The following DDX31 variants were observed in gnomAD, a reference collection of about 807,000 sequenced individuals.
DDX31 encodes the protein ATP-dependent DNA helicase DDX31.
Under a neutral mutation model 91.3 loss-of-function variants are expected in DDX31, and 70 were observed. That is an observed-to-expected ratio of 0.77 (90% CI 0.63 to 0.94). The LOEUF is 0.94. Among genes scored for constraint, DDX31 ranks in the 40% least tolerant of loss-of-function variants. The pLI, the probability that DDX31 is intolerant of heterozygous loss-of-function variation, is 0.00. For synonymous variants in DDX31, 362 were observed against 350.6 expected (o/e 1.03, Z -0.36); for missense variants, 902 against 925.0 (o/e 0.98, Z 0.32).
At chr9:132,615,074 T>A (rs916438058) in intron 18 of DDX31, among the ~76,000 whole-genome samples, 1 of 152,076 alleles carries the variant, frequency 6.6e-6, no homozygotes, top group Non-Finnish European at 1.5e-5. Context: ...GGAGAAGTAA[T>A]GAAAGCAGAC....
At chr9:132,652,629 C>G in intron 6 of DDX31, 137 bp from the exon 7 acceptor site, 1 of 1,081,598 alleles carries the variant, frequency 9.2e-7, no homozygotes, top group Non-Finnish European at 1.3e-6. Context: ...AGGTTGCCCA[C>G]TGATGTGGTC....
At chr9:132,644,183 C>A (rs1347102523) in intron 13 of DDX31, among the ~76,000 whole-genome samples, 1 of 152,148 alleles carries the variant, frequency 6.6e-6, no homozygotes, top group Non-Finnish European at 1.5e-5. Flanking sequence ...TCTTCCACTG[C>A]AAAGGCTAAA....
chr9:132,654,776 T>C lies in DDX31; in HGVS notation c.589-2284A>G, dbSNP rs572686957. ...GCTTGGCCAACATGGTGAAACCCCA[T>C]CTCTACTAAAACTACAAAAATTAGG... On this transcript the variant is annotated intron_variant, in intron 6 of 19. Transcript: ENST00000372159. Among the ~76,000 whole-genome samples the C allele has an allele frequency of 7.6e-3, 1,154 of 151,840 alleles. 15 individuals carry two copies. The highest frequency in any genetic ancestry group is 0.027 in the African/African-American group (1,120 of 41,386).
At chr9:132,597,808 C>T (rs1439130848) in intron 19 of DDX31, among the ~76,000 whole-genome samples, 1 of 152,166 alleles carries the variant, frequency 6.6e-6, no homozygotes, top group Non-Finnish European at 1.5e-5. Flanking sequence ...CCAGACCTGT[C>T]CCTTCACAAA....
chr9:132,658,547 A>C, intron 6 of DDX31, 124 bp downstream of exon 6: 2 of 843,030 alleles, frequency 2.4e-6, no homozygotes, highest in Admixed American at 4.5e-5. Context: ...AAATAAATTA[A>C]AAGGAGGTGA....
chr9:132,662,532 G>T lies in DDX31; in HGVS notation c.239C>A (p.Ser80Ter). 6.2e-7 allele frequency: 1 copy of T among 1,614,192 alleles called. No individual in the cohort carries two copies. Among genetic ancestry groups the T allele is most frequent in the East Asian group, 2.2e-5 (1 of 44,886 alleles). ...CTGGTTTCTATCACTTGTGCTAACC[G>T]AATGCTTCTTTGGAGAAAACATTTT... Reference protein sequence around the residue: ...AQKMFSPKKHSVSTSDRNQEE... With the variant: ...AQKMFSPKKH The change falls in exon 2 of 20, where the codon TCG (serine) becomes TAG (stop). Residue 80 changes from serine (S) to a stop codon, truncating the protein, a stop_gained. Transcript: ENST00000372159. LOFTEE classifies it high-confidence loss of function.
intron 6 of DDX31, among the ~76,000 whole-genome samples, chr9:132,655,980 G>A (rs757885511): frequency 6.6e-6 from 1 of 152,174 alleles, no homozygotes; most frequent in Non-Finnish European, 1.5e-5. Flanking sequence ...CAGCAGCAAC[G>A]TGCCGCTGTG....
At chr9:132,669,395 G>A (rs1012861476) in intron 1 of DDX31, among the ~76,000 whole-genome samples, 19 of 151,944 alleles carry the variant, frequency 1.3e-4, no homozygotes, top group African/African-American at 4.4e-4. Context: ...GATATATAGG[G>A]TTAAATGAAA....
chr9:132,625,860 C>G, intron 16 of DDX31, 115 bp from the exon 17 acceptor site: 1 of 682,434 alleles, frequency 1.5e-6, no homozygotes, highest in African/African-American at 1.8e-5. Flanking sequence ...AGAAGTGACA[C>G]CTTCCTAGGA....
At chr9:132,658,588 A>G in intron 6 of DDX31, 83 bp downstream of exon 6, 1 of 1,253,484 alleles carries the variant, frequency 8.0e-7, no homozygotes, top group Non-Finnish European at 1.1e-6. Context: ...AGATTCTTTT[A>G]GTCCTAATAT....
At chr9:132,659,931 G>T in intron 4 of DDX31, 151 bp from the exon 5 acceptor site, 1 of 689,422 alleles carries the variant, frequency 1.5e-6, no homozygotes. Context: ...AAGGTGTGAA[G>T]AAACTTTTGA....
chr9:132,645,360 G>A (rs534186523), intron 13 of DDX31, among the ~76,000 whole-genome samples: 3 of 152,298 alleles, frequency 2.0e-5, no homozygotes, highest in African/African-American at 2.4e-5. Flanking sequence ...CTGGGAACCC[G>A]AAGCCCCTTT....
intron 14 of DDX31, among the ~76,000 whole-genome samples, chr9:132,638,548 T>C (rs139140678): frequency 4.6e-5 from 7 of 152,198 alleles, no homozygotes; most frequent in African/African-American, 1.4e-4. Flanking sequence ...CGAAATTACA[T>C]TGTGAATGTG....
intron 13 of DDX31, among the ~76,000 whole-genome samples, chr9:132,644,118 A>G (rs1163038570): frequency 6.6e-6 from 1 of 152,176 alleles, no homozygotes; most frequent in African/African-American, 2.4e-5. Flanking sequence ...GTCTGGAACA[A>G]GAAACTCACC....
At chr9:132,599,266 A>G (rs1310520353) in intron 19 of DDX31, among the ~76,000 whole-genome samples, 2 of 152,244 alleles carry the variant, frequency 1.3e-5, no homozygotes, top group African/African-American at 4.8e-5. Flanking sequence ...TCATTTGTCC[A>G]GGGCCAAAAA....
At position 132,662,584 on chromosome 9, in the gene DDX31, G is replaced by A. The variant is rs770133591; in HGVS notation, c.187C>T (p.Gln63Ter). The A allele has an allele frequency of 5.0e-6, 8 of 1,614,084 alleles. No homozygotes were observed. Among genetic ancestry groups the A allele is most frequent in the Non-Finnish European group, 6.8e-6 (8 of 1,180,042 alleles). The change falls in exon 2 of 20, where the codon CAG (glutamine) becomes TAG (stop). Residue 63 changes from glutamine to a stop codon, truncating the protein, a stop_gained. Transcript: ENST00000372159. LOFTEE classifies it high-confidence loss of function. ...PAKKTSVKET[Q>*]RTFKGNAQKM... ...TGTGCGTTCCCCTTAAAAGTCCTCT[G>A]AGTTTCTTTAACACTAGTTTTCTTG...
intron 17 of DDX31, among the ~76,000 whole-genome samples, chr9:132,620,529 T>G (rs1455729371): frequency 6.6e-6 from 1 of 150,612 alleles, no homozygotes; most frequent in East Asian, 1.9e-4. Context: ...AATGATAAGG[T>G]CAGTTTTAGT....
At chr9:132,665,728 C>T (rs900089607) in intron 1 of DDX31, among the ~76,000 whole-genome samples, 1 of 152,106 alleles carries the variant, frequency 6.6e-6, no homozygotes, top group African/African-American at 2.4e-5. Flanking sequence ...GTCTAAGATG[C>T]CATGGCTTTG....
intron 14 of DDX31, 74 bp downstream of exon 14, chr9:132,641,930 G>T: frequency 6.6e-7 from 1 of 1,507,258 alleles, no homozygotes; most frequent in Non-Finnish European, 9.2e-7. Context: ...AGGACAAACT[G>T]TCAAGAGACG....
Sources: gnomAD v4.1 joint callset for allele counts (sites outside exome capture counted in the v4.1 genomes callset) on GRCh38, gnomAD v4.1.1 for gene constraint, MANE v1.5 for transcripts, NCBI Gene and HGNC (gene_info 2026-07-23, HGNC 2026-07-21) for gene names.